Variants in JMJD1C observed in about 807,000 individuals in gnomAD.
JMJD1C encodes the protein jumonji domain containing 1C.
JMJD1C carries 31 observed loss-of-function variants against 245.3 expected under a neutral mutation model. The observed-to-expected ratio is 0.13, with a 90% CI of 0.09 to 0.17. The LOEUF (loss-of-function observed/expected upper bound fraction) is 0.17. JMJD1C is among the 10% of genes least tolerant of loss of function. The pLI is 1.00. For missense variants in JMJD1C, 2,691 were observed against 3,000.2 expected (o/e 0.90, Z 2.41); for synonymous variants, 1,057 against 1,017.4 (o/e 1.04, Z -0.74).
At chr10:63,357,439 G>C (rs1022701744) in intron 2 of JMJD1C, among the ~76,000 whole-genome samples, 1 of 152,076 alleles carries the variant, frequency 6.6e-6, no homozygotes, top group South Asian at 2.1e-4. Context: ...CTCAGTAGCT[G>C]GGATTACAGG....
intron 24 of JMJD1C, among the ~76,000 whole-genome samples, chr10:63,169,533 CTG>C (rs1842156711): frequency 6.6e-6 from 1 of 151,834 alleles, no homozygotes; most frequent in Non-Finnish European, 1.5e-5. Flanking sequence ...GAAATGGAGA[CTG>C]TGGGGAAAAA....
Position 63,409,933 on chromosome 10 carries a change from T to C in JMJD1C, c.169-29451A>G, listed in dbSNP as rs1949387590. Among the ~76,000 whole-genome samples, 3 of 152,276 alleles carry C rather than the reference T, an allele frequency of 2.0e-5. No homozygotes were observed. In the South Asian group the frequency reaches 6.2e-4, roughly 32 times the overall value. ...TTTTGCATAAGGAGTCTGGGGGTCC[T>C]GGGATTTTTAATTTCCTTTACAGAA... On this transcript the variant is annotated intron_variant, in intron 1 of 25. Transcript: ENST00000399262.
At chr10:63,226,929 G>A (rs188547271) in intron 3 of JMJD1C, among the ~76,000 whole-genome samples, 1 of 152,076 alleles carries the variant, frequency 6.6e-6, no homozygotes, top group East Asian at 1.9e-4. Flanking sequence ...GTATTTAGGT[G>A]TAGTGGTGCG....
intron 1 of JMJD1C, among the ~76,000 whole-genome samples, chr10:63,456,970 C>T (rs1275497795): frequency 6.6e-6 from 1 of 152,132 alleles, no homozygotes; most frequent in Non-Finnish European, 1.5e-5. Context: ...ACATTATTTG[C>T]CTTTTCCATT....
chr10:63,277,434 G>A (rs1856905818), intron 2 of JMJD1C, among the ~76,000 whole-genome samples: 1 of 152,146 alleles, frequency 6.6e-6, no homozygotes, highest in Non-Finnish European at 1.5e-5. Flanking sequence ...GTCTGCAGCA[G>A]CCCTTTCCCT....
chr10:63,430,838 G>C (rs942815243), intron 1 of JMJD1C, among the ~76,000 whole-genome samples: 2 of 152,072 alleles, frequency 1.3e-5, no homozygotes, highest in African/African-American at 4.8e-5. Flanking sequence ...GGAATTCCTG[G>C]GCTCATGAGA....
At position 63,392,824 on chromosome 10, in the gene JMJD1C, C is replaced by CAA. The variant is rs991038264; in HGVS notation, c.169-12344_169-12343dup. On this transcript the variant is annotated intron_variant, in intron 1 of 25. Coordinates refer to ENST00000399262, the MANE Select transcript of JMJD1C (RefSeq NM_032776.3). ...TGGTGACAGAGCGAGACTTCGTCTC[C>CAA]AAAAAAAAAAAAAAAAAAAAAAGGT... Among the ~76,000 whole-genome samples the CAA allele has an allele frequency of 2.6e-3, 76 of 28,798 alleles. 2 individuals are homozygous for CAA. Among genetic ancestry groups the CAA allele is most frequent in the African/African-American group, 7.8e-3 (46 of 5,934 alleles). The allele number at this position is 28,798 out of a possible 152,430, so 18.9% of individuals were successfully genotyped here.
At chr10:63,276,883 G>GTTTTTT (rs1210696219) in intron 2 of JMJD1C, among the ~76,000 whole-genome samples, 3 of 41,092 alleles carry the variant, frequency 7.3e-5, no homozygotes, top group African/African-American at 3.1e-4. Flanking sequence ...GAAGCTTGGG[G>GTTTTTT]CTTTTTTTTT....
intron 22 of JMJD1C, 77 bp from the exon 23 acceptor site, chr10:63,177,933 GAGC>G: frequency 6.9e-7 from 1 of 1,450,866 alleles, no homozygotes; most frequent in Admixed American, 2.0e-5. Flanking sequence ...TGATCTATCA[GAGC>G]AGCAGAGTGC....
At chr10:63,451,658 T>G (rs1952076868) in intron 1 of JMJD1C, among the ~76,000 whole-genome samples, 1 of 152,300 alleles carries the variant, frequency 6.6e-6, no homozygotes, top group East Asian at 1.9e-4. Flanking sequence ...GTAGGTTACA[T>G]GCAAATACTA....
chr10:63,501,269 A>G (rs1252353616), intron 1 of JMJD1C, among the ~76,000 whole-genome samples: 1 of 152,236 alleles, frequency 6.6e-6, no homozygotes, highest in African/African-American at 2.4e-5. Context: ...GGAATTTCAC[A>G]GTCATGTAAA....
intron 20 of JMJD1C, 26 bp from the exon 21 acceptor site, chr10:63,184,764 TATAA>T (rs781104158): frequency 1.8e-5 from 28 of 1,586,858 alleles, no homozygotes; most frequent in South Asian, 2.3e-5. Context: ...ATTGCCTTCT[TATAA>T]ATAAAGATTT....
At chr10:63,427,684 G>A in intron 1 of JMJD1C, 1 of 1,305,710 alleles carries the variant, frequency 7.7e-7, no homozygotes, top group Non-Finnish European at 1.1e-6. Context: ...CCGCAGAGAA[G>A]CCTGGGTCTC....
intron 2 of JMJD1C, among the ~76,000 whole-genome samples, chr10:63,339,192 A>C (rs1019355143): frequency 6.6e-6 from 1 of 152,186 alleles, no homozygotes; most frequent in Admixed American, 6.5e-5. Context: ...TAAAGGAGCA[A>C]AATAAGAGAT....
chr10:63,330,414 T>C (rs1243683863), intron 2 of JMJD1C, among the ~76,000 whole-genome samples: 1 of 152,212 alleles, frequency 6.6e-6, no homozygotes, highest in South Asian at 2.1e-4. Flanking sequence ...TAGTTTACCA[T>C]AATGCTTTAC....
chr10:63,181,896 G>C (rs769049350), intron 22 of JMJD1C, among the ~76,000 whole-genome samples: 1 of 152,126 alleles, frequency 6.6e-6, no homozygotes, highest in African/African-American at 2.4e-5. Flanking sequence ...CTGTGGCAGC[G>C]CTCAGACAAT....
chr10:63,276,190 G>GGCACGGTGGCTCATACCTGTAATCC (rs1186420237), intron 2 of JMJD1C, among the ~76,000 whole-genome samples: 16 of 152,140 alleles, frequency 1.1e-4, no homozygotes, highest in African/African-American at 3.9e-4. Flanking sequence ...GTTGAGGCCG[G>GGCACGGTGGCTCATACCTGTAATCC]GCACGGTGGC....
At chr10:63,267,610 C>G (rs1246086295) in intron 2 of JMJD1C, among the ~76,000 whole-genome samples, 1 of 152,086 alleles carries the variant, frequency 6.6e-6, no homozygotes, top group Admixed American at 6.6e-5. Flanking sequence ...TGATGAAAGT[C>G]ACAGTAGAAT....
chr10:63,233,764 C>T (rs928078429), intron 3 of JMJD1C, among the ~76,000 whole-genome samples: 8 of 88,684 alleles, frequency 9.0e-5, no homozygotes, highest in African/African-American at 2.9e-4. Flanking sequence ...CGTGCACACA[C>T]ACACACACAC....
Sources: allele counts gnomAD v4.1 joint callset (sites outside exome capture counted in the v4.1 genomes callset), GRCh38; gene constraint gnomAD v4.1.1; transcripts MANE v1.5; gene names NCBI Gene and HGNC (gene_info 2026-07-23, HGNC 2026-07-21).